Variants in KIAA0513 observed in about 807,000 individuals in gnomAD.
The protein encoded by KIAA0513 is uncharacterized protein KIAA0513.
In KIAA0513, 39 loss-of-function variants were observed where a neutral mutation model predicts 56.5. That is an observed-to-expected ratio of 0.69 (90% CI 0.53 to 0.90). The LOEUF (loss-of-function observed/expected upper bound fraction) is 0.90, where lower values mean the gene tolerates loss of function less well. KIAA0513 is among the 40% of genes least tolerant of loss of function. The probability of loss-of-function intolerance (pLI) is 0.00; values close to 1 mark genes in which losing one functional copy is unlikely to be tolerated. For missense variants in KIAA0513, 591 were observed against 535.2 expected (o/e 1.10, Z -1.03); for synonymous variants, 268 against 215.6 (o/e 1.24, Z -2.13).
intron 1 of KIAA0513, among the ~76,000 whole-genome samples, chr16:85,034,813 G>C (rs36121983): frequency 0.071 from 10,838 of 152,240 alleles, 425 homozygotes; most frequent in African/African-American, 0.094. Context: ...GAGGCATAGA[G>C]AGGCAGAGTA....
At chr16:85,038,684 G>A (rs1277286984) in intron 1 of KIAA0513, among the ~76,000 whole-genome samples, 1 of 144,228 alleles carries the variant, frequency 6.9e-6, no homozygotes, top group Non-Finnish European at 1.5e-5. Context: ...CTCCAGCCTG[G>A]GCGACAGAGC....
At chr16:85,043,697 G>A (rs536705624) in intron 1 of KIAA0513, among the ~76,000 whole-genome samples, 1 of 152,230 alleles carries the variant, frequency 6.6e-6, no homozygotes, top group South Asian at 2.1e-4. Flanking sequence ...ACAGGTGTGA[G>A]CTACCATGCC....
rs780662319 is a variant in KIAA0513, at chr16:85,077,504, C to G, written c.654C>G (p.Ser218Arg). The G allele has an allele frequency of 1.2e-6, 2 of 1,614,216 alleles. No homozygotes were observed. Among genetic ancestry groups the G allele is most frequent in the Admixed American group, 1.7e-5 (1 of 60,026 alleles). Residue 218 changes from serine to arginine, a missense_variant, in exon 6 of 13, where the codon AGC (serine) becomes AGG (arginine). Coordinates refer to ENST00000683363, the MANE Select transcript of KIAA0513 (RefSeq NM_001388359.1). Reference sequence around the variant, plus strand: ...ACTCCTACCTGAAATCCGCAAACAGCTGGCTGGCCGAAAAGAAGGACATCG... The same window carrying G: ...ACTCCTACCTGAAATCCGCAAACAGGTGGCTGGCCGAAAAGAAGGACATCG... ...SIDSYLKSAN[S>R]WLAEKKDIAE...
rs1328815232 is a variant in KIAA0513 at position 85,088,322 on chromosome 16, G to A, written c.1233G>A (p.Glu411=). The A allele has an allele frequency of 6.2e-7, 1 of 1,610,206 alleles. No individual in the cohort carries two copies. The highest frequency in any genetic ancestry group is 1.1e-5 in the South Asian group (1 of 91,074). The change falls in exon 13 of 13, where the codon GAG becomes GAA. Residue 411 remains glutamate, a synonymous_variant. Transcript: ENST00000683363. ...LSDHIEQMAT[E] is the part of the protein sequence containing the mutation. ...ACCACATTGAGCAAATGGCCACTGA[G>A]TAGGCCCCAGAGGTCGCACTCCGCA...
In KIAA0513 at chr16:85,055,048, G is replaced by T. The variant is rs150630956; in HGVS notation, c.-172-11852G>T. Among the ~76,000 whole-genome samples the T allele has an allele frequency of 7.3e-5, 11 of 151,664 alleles. No individual in the cohort carries two copies. In the East Asian group the frequency reaches 2.1e-3, roughly 30 times the overall value. On this transcript the variant is annotated intron_variant, in intron 1 of 12. Coordinates refer to ENST00000683363, the MANE Select transcript of KIAA0513 (RefSeq NM_001388359.1). ...AGCAGTCCTCCCACCTCAGCCTCCC[G>T]AGTAGCTGGGACTACAGGTGTGTGG...
Position 85,091,034 on chromosome 16 carries a change from G to T in KIAA0513, c.*2709G>T, listed in dbSNP as rs941109794. 3 of 152,224 alleles carry T rather than the reference G, an allele frequency of 2.0e-5. No individual in the cohort carries two copies. Among genetic ancestry groups the T allele is most frequent in the Non-Finnish European group, 4.4e-5 (3 of 68,040 alleles). The allele number at this position is 152,224 out of a possible 1,614,324, so 9.4% of individuals were successfully genotyped here. Reference sequence around the variant, plus strand: ...GCCACCTGGGTGTAGGAGAGCTCTGGTGGCCCCTCCGTAAACTCAGGAAGT... The same window carrying T: ...GCCACCTGGGTGTAGGAGAGCTCTGTTGGCCCCTCCGTAAACTCAGGAAGT... On this transcript the variant is annotated 3_prime_UTR_variant, in exon 13 of 13. Coordinates refer to ENST00000683363, the MANE Select transcript of KIAA0513 (RefSeq NM_001388359.1).
intron 4 of KIAA0513, 41 bp downstream of exon 4, chr16:85,073,039 T>C (rs2073602026): frequency 1.3e-6 from 2 of 1,517,848 alleles, no homozygotes; most frequent in Non-Finnish European, 1.8e-6. Flanking sequence ...CCTGGCAAGC[T>C]CCTCTTCCCT....
At chr16:85,056,069 A>T (rs1321841727) in intron 1 of KIAA0513, among the ~76,000 whole-genome samples, 1 of 152,004 alleles carries the variant, frequency 6.6e-6, no homozygotes. Context: ...TTCAGCCCAG[A>T]CCCCCCTGAA....
intron 1 of KIAA0513, among the ~76,000 whole-genome samples, chr16:85,065,254 CA>C (rs2073462373): frequency 6.6e-6 from 1 of 152,202 alleles, no homozygotes; most frequent in Non-Finnish European, 1.5e-5. Context: ...ATGCCTCGGC[CA>C]GGGGGGACCC....
chr16:85,065,082 A>G (rs964843475), intron 1 of KIAA0513, among the ~76,000 whole-genome samples: 2 of 152,248 alleles, frequency 1.3e-5, no homozygotes, highest in East Asian at 3.8e-4. Flanking sequence ...TGTAGTACAG[A>G]CAGCACTAGC....
chr16:85,067,554 C>T (rs1280679674), intron 2 of KIAA0513, among the ~76,000 whole-genome samples, 154 bp downstream of exon 2: 1 of 152,218 alleles, frequency 6.6e-6, no homozygotes, highest in Non-Finnish European at 1.5e-5. Flanking sequence ...AGGGGCCTCA[C>T]TCCACTCCAG....
At chr16:85,038,720 A>T (rs1567520849) in intron 1 of KIAA0513, among the ~76,000 whole-genome samples, 1 of 150,242 alleles carries the variant, frequency 6.7e-6, no homozygotes, top group East Asian at 1.9e-4. Context: ...AAAAAAAAAA[A>T]AAATAATAAT....
chr16:85,036,269 A>C (rs1412230251), intron 1 of KIAA0513, among the ~76,000 whole-genome samples: 1 of 152,144 alleles, frequency 6.6e-6, no homozygotes, highest in Non-Finnish European at 1.5e-5. Flanking sequence ...CCCTTATCAT[A>C]ATCTAATTTC....
chr16:85,034,181 C>T (rs1328527461), intron 1 of KIAA0513, among the ~76,000 whole-genome samples: 1 of 152,098 alleles, frequency 6.6e-6, no homozygotes, highest in African/African-American at 2.4e-5. Flanking sequence ...GAGTTCGAGA[C>T]CAGCCTGGCC....
At chr16:85,068,180 G>A (rs1222324393) in intron 2 of KIAA0513, among the ~76,000 whole-genome samples, 2 of 139,888 alleles carry the variant, frequency 1.4e-5, no homozygotes, top group East Asian at 2.2e-4. Context: ...TTTTTGAGAA[G>A]GAGTCTCACA....
chr16:85,071,975 C>A, intron 3 of KIAA0513, 93 bp downstream of exon 3: 2 of 854,510 alleles, frequency 2.3e-6, no homozygotes, highest in Admixed American at 2.4e-5. Context: ...CAATGACACT[C>A]TGGAGAAAAG....
chr16:85,086,806 G>A, intron 11 of KIAA0513, 82 bp downstream of exon 11: 1 of 1,273,090 alleles, frequency 7.9e-7, no homozygotes. Flanking sequence ...TCACACCCTG[G>A]GGTGTGATGT....
At chr16:85,040,058 T>C (rs1275746283) in intron 1 of KIAA0513, among the ~76,000 whole-genome samples, 1 of 152,068 alleles carries the variant, frequency 6.6e-6, no homozygotes, top group Non-Finnish European at 1.5e-5. Context: ...AGTCTCGAAC[T>C]CCTGACCTCA....
At chr16:85,064,771 C>T (rs545339827) in intron 1 of KIAA0513, among the ~76,000 whole-genome samples, 6 of 152,202 alleles carry the variant, frequency 3.9e-5, no homozygotes, top group African/African-American at 9.6e-5. Context: ...CTGCAACCTC[C>T]GCCTCCTGGG....
Sources: gnomAD v4.1 joint callset for allele counts (sites outside exome capture counted in the v4.1 genomes callset) on GRCh38, gnomAD v4.1.1 for gene constraint, MANE v1.5 for transcripts, NCBI Gene and HGNC (gene_info 2026-07-23, HGNC 2026-07-21) for gene names.